CAPS2: variants seen among roughly 807,000 people sequenced by gnomAD.
CAPS2 encodes calcyphosine 2, also known as calcyphosin-2.
In CAPS2, 98 loss-of-function variants were observed where a neutral mutation model predicts 86.5. The ratio of observed to expected loss-of-function variants is 1.13; its 90% CI spans 0.96 to 1.34. The LOEUF (loss-of-function observed/expected upper bound fraction) is 1.34. CAPS2 is among the 40% of genes most tolerant of loss of function. The pLI is 0.00. For synonymous variants in CAPS2, 210 were observed against 225.1 expected (o/e 0.93, Z 0.60); for missense variants, 729 against 686.8 (o/e 1.06, Z -0.69).
In CAPS2 at chr12:75,384,314, G is replaced by A. The variant is rs945689568; in HGVS notation, c.-395+6524C>T. ...ATAAATTATCAATATCAGAGATGAA[G>A]GAAGGAACATCACTACAGATCTGAT... On this transcript the variant is annotated intron_variant, in intron 1 of 5. Transcript: ENST00000551829. Among the ~76,000 whole-genome samples, 7 of 152,180 alleles carry A rather than the reference G, an allele frequency of 4.6e-5. No homozygotes were observed. In the East Asian group the frequency reaches 1.2e-3, roughly 25 times the overall value.
chr12:75,381,084 C>T (rs2044940752), intron 1 of CAPS2, among the ~76,000 whole-genome samples: 1 of 152,154 alleles, frequency 6.6e-6, no homozygotes, highest in Non-Finnish European at 1.5e-5. Flanking sequence ...TGAATTGTAT[C>T]TCCCAGAATT....
At position 75,282,138 on chromosome 12, in the gene CAPS2, A is replaced by G. The variant is rs990015598; in HGVS notation, c.1612+113T>C. ...GTTCATAAGTTTCCAGTTCAAAAAA[A>G]TAGTTTATTTCCTCCCTAATGGCCT... On this transcript the variant is annotated intron_variant, in intron 16 of 16. Transcript: ENST00000393284. The G allele has an allele frequency of 7.3e-6, 5 of 682,202 alleles. No homozygotes were observed. In the African/African-American group the frequency reaches 9.2e-5, roughly 13 times the overall value. 42.3% of individuals were successfully genotyped at this position (682,202 alleles called of 1,614,324 possible).
intron 8 of CAPS2, among the ~76,000 whole-genome samples, chr12:75,300,512 C>CAA: frequency 7.3e-6 from 1 of 137,322 alleles, no homozygotes; most frequent in Non-Finnish European, 1.5e-5. Context: ...GCCGAGATCG[C>CAA]GCCACTGCAC....
chr12:75,277,080 C>A (rs1404757138), downstream of CAPS2: 3 of 984,098 alleles, frequency 3.0e-6, no homozygotes, highest in Non-Finnish European at 3.6e-6. Flanking sequence ...ACAAAATACA[C>A]CAAAAAAAAT....
In CAPS2 at chr12:75,341,747, CTTTTTT is replaced by C. The variant is rs1185408752; in HGVS notation, c.-394-18531_-394-18526del. Among the ~76,000 whole-genome samples the C allele has an allele frequency of 4.8e-5, 4 of 83,418 alleles. No homozygotes were observed. In the East Asian group the frequency reaches 1.0e-3, roughly 21 times the overall value. The allele number at this position is 83,418 out of a possible 152,430, so 54.7% of individuals were successfully genotyped here. On this transcript the variant is annotated intron_variant, in intron 1 of 5. Transcript: ENST00000551829. ...AGGCGTGAGCCACCGCGCCCGGCCT[CTTTTTT>C]TTTTTTTTTTTTTTTTTTGAGATGG...
At chr12:75,347,745 T>C (rs2042551649) in intron 1 of CAPS2, 2 of 1,468,346 alleles carry the variant, frequency 1.4e-6, no homozygotes, top group Non-Finnish European at 1.9e-6. Context: ...CTCTTAAAAA[T>C]ATTTTAATTG....
chr12:75,362,795 TGAA>T (rs1391847678), intron 1 of CAPS2, among the ~76,000 whole-genome samples: 2 of 152,168 alleles, frequency 1.3e-5, no homozygotes, highest in African/African-American at 2.4e-5. Context: ...ATGTACAAAA[TGAA>T]GAAATAATCA....
intron 1 of CAPS2, among the ~76,000 whole-genome samples, chr12:75,379,444 C>A (rs2044838829): frequency 1.3e-5 from 2 of 152,158 alleles, no homozygotes. Context: ...ATCTTAACAA[C>A]AGCCTCTTGA....
rs571293157 is a variant in CAPS2 at position 75,377,740 on chromosome 12, A to T, written c.-395+13098T>A. On this transcript the variant is annotated intron_variant, in intron 1 of 5. Transcript: ENST00000551829. ...CTGCCTCTCCCAGTCCACTGACTCAAATGTTAATCTCCTTTAGCAACACTC... is the reference window on the plus strand; with the variant it reads ...CTGCCTCTCCCAGTCCACTGACTCATATGTTAATCTCCTTTAGCAACACTC... Among the ~76,000 whole-genome samples, 3 of 152,054 alleles carry T rather than the reference A, an allele frequency of 2.0e-5. No homozygotes were observed. In the East Asian group the frequency reaches 5.8e-4, roughly 29 times the overall value.
At chr12:75,337,848 C>A (rs1288097080) in intron 1 of CAPS2, among the ~76,000 whole-genome samples, 1 of 151,752 alleles carries the variant, frequency 6.6e-6, no homozygotes, top group Non-Finnish European at 1.5e-5. Flanking sequence ...TCTTCTTTGT[C>A]TTGTACAAAT....
intron 1 of CAPS2, among the ~76,000 whole-genome samples, chr12:75,387,835 G>A (rs2045369648): frequency 6.6e-6 from 1 of 152,148 alleles, no homozygotes; most frequent in Non-Finnish European, 1.5e-5. Flanking sequence ...TGGGGATTAA[G>A]TTTCAACATG....
At chr12:75,351,545 G>GTTTTTTTTTTTTTTTTTT (rs200327101) in intron 1 of CAPS2, among the ~76,000 whole-genome samples, 1 of 148,430 alleles carries the variant, frequency 6.7e-6, no homozygotes, top group Non-Finnish European at 1.5e-5. Context: ...ACTCTGTTTT[G>GTTTTTTTTTTTTTTTTTT]TTTTGTTTTT....
intron 12 of CAPS2, 127 bp downstream of exon 12, chr12:75,293,122 T>C (rs547213583): frequency 1.3e-4 from 84 of 625,362 alleles, no homozygotes; most frequent in Non-Finnish European, 2.2e-4. Flanking sequence ...TACGTAGCTA[T>C]GCTTGTTTTT....
At chr12:75,317,968 C>T (rs925161741) in intron 5 of CAPS2, 15 of 152,082 alleles carry the variant, frequency 9.9e-5, no homozygotes, top group African/African-American at 3.1e-4. Flanking sequence ...TGAAAGTTCA[C>T]ATCTGTTCAC....
intron 1 of CAPS2, among the ~76,000 whole-genome samples, chr12:75,351,437 A>G (rs1222447807): frequency 6.6e-6 from 1 of 152,348 alleles, no homozygotes; most frequent in East Asian, 1.9e-4. Context: ...AGCCAGAGAG[A>G]AAGGCCAGGC....
intron 1 of CAPS2, among the ~76,000 whole-genome samples, chr12:75,386,841 A>C (rs1034438959): frequency 6.6e-6 from 1 of 150,956 alleles, no homozygotes; most frequent in African/African-American, 2.4e-5. Context: ...GTTCTGGAAC[A>C]ACTGAACGTC....
chr12:75,298,488 T>C, intron 11 of CAPS2, 199 bp downstream of exon 11: 1 of 519,796 alleles, frequency 1.9e-6, no homozygotes, highest in Non-Finnish European at 3.4e-6. Context: ...ATGATATGCT[T>C]GGATTCAGAC....
chr12:75,374,433 G>T (rs548462559), intron 1 of CAPS2, among the ~76,000 whole-genome samples: 1 of 152,138 alleles, frequency 6.6e-6, no homozygotes, highest in African/African-American at 2.4e-5. Flanking sequence ...ACCTTAGAAG[G>T]AATATCTCCA....
At chr12:75,304,973 A>C in intron 7 of CAPS2, 97 bp from the exon 8 acceptor site, 2 of 969,940 alleles carry the variant, frequency 2.1e-6, no homozygotes, top group Non-Finnish European at 3.0e-6. Context: ...CATATACCAA[A>C]TGCAAATTTA....
Sources: gnomAD v4.1 joint callset for allele counts (sites outside exome capture counted in the v4.1 genomes callset) on GRCh38, gnomAD v4.1.1 for gene constraint, MANE v1.5 for transcripts, NCBI Gene and HGNC (gene_info 2026-07-23, HGNC 2026-07-21) for gene names.